NRG1: variants seen among roughly 807,000 people sequenced by gnomAD.
NRG1 encodes the protein neuregulin 1, also known as pro-neuregulin-1, membrane-bound isoform.
NRG1 carries 18 observed loss-of-function variants against 63.8 expected under a neutral mutation model. The ratio of observed to expected loss-of-function variants is 0.28; its 90% CI spans 0.19 to 0.42. The LOEUF (loss-of-function observed/expected upper bound fraction) is 0.42, where lower values mean the gene tolerates loss of function less well. Among genes scored for constraint, NRG1 ranks in the 10% least tolerant of loss-of-function variants. The pLI is 1.00. For missense variants in NRG1, 762 were observed against 814.7 expected (o/e 0.94, Z 0.79); for synonymous variants, 302 against 301.3 (o/e 1.00, Z -0.02).
chr8:32,770,550 C>G (rs1157095935), downstream of NRG1, among the ~76,000 whole-genome samples: 1 of 152,132 alleles, frequency 6.6e-6, no homozygotes, highest in East Asian at 1.9e-4. Flanking sequence ...GCCCTTCTAG[C>G]TTTGGTTTAG....
At chr8:32,287,825 G>C (rs980996049) in intron 1 of NRG1, among the ~76,000 whole-genome samples, 1 of 152,166 alleles carries the variant, frequency 6.6e-6, no homozygotes, top group African/African-American at 2.4e-5. Context: ...TAATTTGCTT[G>C]TTTTAAGCAG....
At chr8:32,098,501 T>C (rs373366658) in intron 1 of NRG1, among the ~76,000 whole-genome samples, 180 of 152,318 alleles carry the variant, frequency 1.2e-3, no homozygotes, top group African/African-American at 4.2e-3. Context: ...TATTGTTAGT[T>C]CTTGTTTCCT....
chr8:31,794,800 T>C (rs1354057932), intron 1 of NRG1, among the ~76,000 whole-genome samples: 3 of 152,084 alleles, frequency 2.0e-5, no homozygotes, highest in African/African-American at 7.2e-5. Context: ...TATAGTTTTG[T>C]AATATGTTTC....
At chr8:32,556,988 G>A (rs1490394026) in intron 1 of NRG1, among the ~76,000 whole-genome samples, 2 of 152,054 alleles carry the variant, frequency 1.3e-5, no homozygotes, top group Non-Finnish European at 2.9e-5. Context: ...TATCAAGTAG[G>A]CATTGGTTTT....
intron 1 of NRG1, among the ~76,000 whole-genome samples, chr8:32,522,193 G>A (rs539993364): frequency 5.9e-5 from 9 of 152,256 alleles, no homozygotes; most frequent in African/African-American, 2.2e-4. Context: ...TCCCTAGAGA[G>A]CCACGCTGTC....
intron 1 of NRG1, among the ~76,000 whole-genome samples, chr8:32,138,550 A>G (rs1835840953): frequency 1.3e-5 from 2 of 151,944 alleles, no homozygotes; most frequent in African/African-American, 2.4e-5. Flanking sequence ...TGTGACTGGC[A>G]GGAGGCTCAC....
At chr8:32,537,996 C>A (rs1201840622) in intron 1 of NRG1, among the ~76,000 whole-genome samples, 1 of 152,120 alleles carries the variant, frequency 6.6e-6, no homozygotes, top group Non-Finnish European at 1.5e-5. Flanking sequence ...GGATAACAAG[C>A]ACGCGCCACC....
chr8:32,025,744 GA>G (rs1035555515), intron 1 of NRG1, among the ~76,000 whole-genome samples: 1 of 151,894 alleles, frequency 6.6e-6, no homozygotes, highest in Non-Finnish European at 1.5e-5. Flanking sequence ...TCAGGAGATC[GA>G]GACCATCCTG....
At chr8:31,926,310 C>A (rs749356488) in intron 1 of NRG1, among the ~76,000 whole-genome samples, 9 of 152,030 alleles carry the variant, frequency 5.9e-5, no homozygotes, top group Non-Finnish European at 1.2e-4. Flanking sequence ...AAGCTCTGAG[C>A]TACTGTTTTC....
At chr8:32,056,087 T>C (rs995378898) in intron 1 of NRG1, among the ~76,000 whole-genome samples, 1 of 152,132 alleles carries the variant, frequency 6.6e-6, no homozygotes, top group Non-Finnish European at 1.5e-5. Flanking sequence ...GGGATCCAAA[T>C]TGTAATCAGA....
intron 1 of NRG1, among the ~76,000 whole-genome samples, chr8:31,866,634 G>A (rs1344740401): frequency 6.6e-6 from 1 of 152,046 alleles, no homozygotes; most frequent in African/African-American, 2.4e-5. Flanking sequence ...AGTTTATTGT[G>A]TATATTTTTG....
chr8:32,519,080 AT>A lies in NRG1; in HGVS notation c.38-76739del, dbSNP rs200066522. On this transcript the variant is annotated intron_variant, in intron 1 of 10. Coordinates refer to the NRG1 transcript ENST00000519301. ...GTTGATGAAATTTCTTAGGGTTAGA[AT>A]TTTTTTTTACCAGATATGAAATAGA... 4.7e-3 allele frequency among the ~76,000 whole-genome samples: 706 copies of A among 151,704 alleles called. 4 individuals are homozygous for A. Among genetic ancestry groups the A allele is most frequent in the Admixed American group, 0.012 (176 of 15,204 alleles).
chr8:32,097,723 A>C (rs554454471), intron 1 of NRG1, among the ~76,000 whole-genome samples: 1 of 152,314 alleles, frequency 6.6e-6, no homozygotes, highest in African/African-American at 2.4e-5. Context: ...TTAAGGAAGC[A>C]AGGAAAGTAA....
intron 1 of NRG1, among the ~76,000 whole-genome samples, chr8:32,532,739 G>C (rs1831578006): frequency 6.6e-6 from 1 of 151,872 alleles, no homozygotes; most frequent in Non-Finnish European, 1.5e-5. Flanking sequence ...TGTTTTTAAA[G>C]GTTTTTATGT....
At chr8:31,758,404 A>G (rs1454381344) in intron 1 of NRG1, among the ~76,000 whole-genome samples, 3 of 152,142 alleles carry the variant, frequency 2.0e-5, no homozygotes, top group Non-Finnish European at 4.4e-5. Flanking sequence ...TCCTATAAAG[A>G]CACATGCACA....
At chr8:32,159,524 G>C (rs1335276093) in intron 1 of NRG1, among the ~76,000 whole-genome samples, 3 of 141,420 alleles carry the variant, frequency 2.1e-5, no homozygotes, top group East Asian at 4.1e-4. Flanking sequence ...CTGGGCGACA[G>C]AGCGAGACTC....
At chr8:32,403,577 T>C (rs1813529383) in intron 1 of NRG1, among the ~76,000 whole-genome samples, 1 of 152,180 alleles carries the variant, frequency 6.6e-6, no homozygotes, top group African/African-American at 2.4e-5. Flanking sequence ...CTTCTCTAAA[T>C]AGAGTATCTG....
intron 1 of NRG1, among the ~76,000 whole-genome samples, chr8:32,482,642 G>C (rs931705690): frequency 3.3e-5 from 5 of 152,266 alleles, no homozygotes; most frequent in African/African-American, 1.2e-4. Flanking sequence ...TGCTCTGTGG[G>C]ATAAGCCCAG....
At chr8:32,676,665 A>G (rs1017790928) in intron 5 of NRG1, among the ~76,000 whole-genome samples, 1 of 152,156 alleles carries the variant, frequency 6.6e-6, no homozygotes, top group African/African-American at 2.4e-5. Context: ...AATATTGGCT[A>G]TGGTTTTATC....
Sources: gnomAD v4.1 joint callset for allele counts (sites outside exome capture counted in the v4.1 genomes callset) on GRCh38, gnomAD v4.1.1 for gene constraint, MANE v1.5 for transcripts, NCBI Gene and HGNC (gene_info 2026-07-23, HGNC 2026-07-21) for gene names.